The following ARHGEF38 variants were observed in gnomAD, a reference collection of about 807,000 sequenced individuals.
ARHGEF38 encodes Rho guanine nucleotide exchange factor 38, also known as Rho guanine nucleotide exchange factor (GEF) 38.
Under a neutral mutation model 79.9 loss-of-function variants are expected in ARHGEF38, and 79 were observed. That is an observed-to-expected ratio of 0.99 (90% CI 0.82 to 1.19). The LOEUF is 1.19. Ranked by LOEUF, ARHGEF38 falls within the 50% of genes most tolerant of loss-of-function variation. The pLI is 0.00. For synonymous variants in ARHGEF38, 366 were observed against 328.3 expected (o/e 1.11, Z -1.24); for missense variants, 962 against 907.2 (o/e 1.06, Z -0.78).
At chr4:105,555,409 C>T (rs1725206218) in intron 1 of ARHGEF38, among the ~76,000 whole-genome samples, 1 of 152,166 alleles carries the variant, frequency 6.6e-6, no homozygotes, top group African/African-American at 2.4e-5. Flanking sequence ...GGCATTTTCT[C>T]ATTAATGTTC....
rs551333466 is a variant in ARHGEF38 at position 105,678,989 on chromosome 4, C to A, written c.*1052C>A. The A allele has an allele frequency of 2.7e-4, 75 of 276,464 alleles. No individual in the cohort carries two copies. The South Asian group carries it at 5.4e-3, about 20-fold the overall frequency. 17.1% of individuals were successfully genotyped at this position (276,464 alleles called of 1,614,324 possible). A position where few individuals can be genotyped will look rare whatever the true frequency, so the allele number is the denominator to read the frequency against. ...CAACAATGATGACCTAATTTTTGAT[C>A]CATAATGTAAGATTAGGTAGAAATA... On this transcript the variant is annotated 3_prime_UTR_variant, in exon 14 of 14. Transcript: ENST00000420470.
At chr4:105,578,572 G>A (rs1726621938) in intron 1 of ARHGEF38, among the ~76,000 whole-genome samples, 1 of 152,046 alleles carries the variant, frequency 6.6e-6, no homozygotes, top group Non-Finnish European at 1.5e-5. Flanking sequence ...AGTAGTAATT[G>A]TTTTATGAAG....
chr4:105,560,687 T>C (rs1725475734), intron 1 of ARHGEF38, among the ~76,000 whole-genome samples: 2 of 152,232 alleles, frequency 1.3e-5, no homozygotes, highest in Non-Finnish European at 2.9e-5. Flanking sequence ...ATACCTGCAC[T>C]GAAGCCCTCG....
At chr4:105,652,314 A>G (rs1730136777) in intron 7 of ARHGEF38, among the ~76,000 whole-genome samples, 1 of 152,256 alleles carries the variant, frequency 6.6e-6, no homozygotes, top group Non-Finnish European at 1.5e-5. Flanking sequence ...GTCAGTGTTT[A>G]ACAAATGTTC....
chr4:105,558,464 A>G (rs1433870148), intron 1 of ARHGEF38, among the ~76,000 whole-genome samples: 1 of 152,174 alleles, frequency 6.6e-6, no homozygotes, highest in African/African-American at 2.4e-5. Context: ...GTGAAATGGG[A>G]AGTATTTGAA....
chr4:105,626,155 A>G (rs1467303482), intron 3 of ARHGEF38, among the ~76,000 whole-genome samples: 1 of 152,208 alleles, frequency 6.6e-6, no homozygotes, highest in East Asian at 1.9e-4. Flanking sequence ...TGAATATACA[A>G]TAAGCAACTC....
chr4:105,610,336 A>C (rs921699677), intron 2 of ARHGEF38, among the ~76,000 whole-genome samples: 1 of 152,092 alleles, frequency 6.6e-6, no homozygotes, highest in Non-Finnish European at 1.5e-5. Context: ...TCAGAAGAAA[A>C]TTTTAAAAAA....
At chr4:105,557,831 C>A (rs1396753074) in intron 1 of ARHGEF38, among the ~76,000 whole-genome samples, 1 of 151,998 alleles carries the variant, frequency 6.6e-6, no homozygotes, top group Non-Finnish European at 1.5e-5. Flanking sequence ...TTATAGCAGC[C>A]CAAACCAACC....
intron 2 of ARHGEF38, among the ~76,000 whole-genome samples, chr4:105,607,304 A>T (rs765037688): frequency 5.9e-5 from 9 of 152,100 alleles, no homozygotes; most frequent in Non-Finnish European, 1.0e-4. Flanking sequence ...TAGATTGGTA[A>T]TTTTTTCCCT....
At position 105,630,987 on chromosome 4, in the gene ARHGEF38, T is replaced by C; in HGVS notation, c.598T>C (p.Ser200Pro). ...TGATGAAGCACATAGTATACTGGAG[T>C]CCTATGAAAAGGAAGAAGAGCTGAA... Reference protein sequence around the residue: ...HHDEAHSILESYEKEEELKEH... With the variant: ...HHDEAHSILEPYEKEEELKEH... Residue 200 changes from serine to proline, a missense_variant, in exon 4 of 14, where the codon TCC becomes CCC. Physicochemically the swap from Ser to Pro is moderately conservative, Grantham distance 74 (BLOSUM62 -1). Coordinates refer to ENST00000420470, the MANE Select transcript of ARHGEF38 (RefSeq NM_001242729.2). 6.2e-7 allele frequency: 1 copy of C among 1,613,636 alleles called. No individual in the cohort carries two copies. The highest frequency in any genetic ancestry group is 1.1e-5 in the South Asian group (1 of 90,990).
intron 1 of ARHGEF38, among the ~76,000 whole-genome samples, chr4:105,587,260 A>G (rs978065828): frequency 8.5e-5 from 13 of 152,114 alleles, no homozygotes; most frequent in Non-Finnish European, 1.8e-4. Flanking sequence ...GTGAGCTGCA[A>G]TTGCACCACT....
At position 105,589,386 on chromosome 4, in the gene ARHGEF38, A is replaced by G. The variant is rs140625801; in HGVS notation, c.335A>G (p.Asp112Gly). Reference protein sequence around the residue: ...LIQTEKDYLNDLELCVREVVQ... With the variant: ...LIQTEKDYLNGLELCVREVVQ... Reference sequence around the variant, plus strand: ...CAGACAGAAAAGGATTATCTCAATGATCTAGAGCTGTGTGTTAGGGAAGTG... The same window carrying G: ...CAGACAGAAAAGGATTATCTCAATGGTCTAGAGCTGTGTGTTAGGGAAGTG... The change falls in exon 2 of 14, where the codon GAT becomes GGT. Residue 112 changes from aspartate (D) to glycine (G), a missense_variant. By Grantham distance (94) the Asp-to-Gly change is moderately conservative. Coordinates refer to ENST00000420470, the MANE Select transcript of ARHGEF38 (RefSeq NM_001242729.2). 306 of 1,614,030 alleles carry G rather than the reference A, an allele frequency of 1.9e-4. No homozygotes were observed. In the African/African-American group the frequency reaches 3.5e-3, roughly 19 times the overall value.
intron 1 of ARHGEF38, among the ~76,000 whole-genome samples, chr4:105,556,038 T>C (rs114414958): frequency 2.0e-3 from 309 of 152,198 alleles, no homozygotes; most frequent in African/African-American, 7.1e-3. Context: ...AAGCCTGGAG[T>C]TGTATAATAA....
chr4:105,637,150 T>C (rs1465840009), intron 5 of ARHGEF38, among the ~76,000 whole-genome samples: 1 of 152,162 alleles, frequency 6.6e-6, no homozygotes, highest in Admixed American at 6.6e-5. Flanking sequence ...CTTGTGTGTG[T>C]GTATGTACTT....
At chr4:105,642,570 T>C (rs1729665022) in intron 5 of ARHGEF38, among the ~76,000 whole-genome samples, 2 of 152,098 alleles carry the variant, frequency 1.3e-5, no homozygotes, top group Admixed American at 1.3e-4. Flanking sequence ...TTAAAGTTCT[T>C]AACATTTTAC....
intron 10 of ARHGEF38, among the ~76,000 whole-genome samples, chr4:105,664,765 T>C (rs1730688992): frequency 6.6e-6 from 1 of 152,104 alleles, no homozygotes; most frequent in African/African-American, 2.4e-5. Context: ...AACATCTAGG[T>C]TCAAAGAAAT....
intron 5 of ARHGEF38, among the ~76,000 whole-genome samples, chr4:105,637,324 C>A (rs1331831262): frequency 2.0e-5 from 3 of 152,038 alleles, no homozygotes; most frequent in Non-Finnish European, 2.9e-5. Context: ...GATCTGTAGA[C>A]CAGGGCTGTA....
intron 1 of ARHGEF38, among the ~76,000 whole-genome samples, chr4:105,560,489 T>TG (rs1725463086): frequency 6.6e-6 from 1 of 152,182 alleles, no homozygotes; most frequent in South Asian, 2.1e-4. Context: ...GAATTATGTG[T>TG]GGGAAACAAG....
intron 13 of ARHGEF38, among the ~76,000 whole-genome samples, chr4:105,672,069 TTAGA>T (rs951140293): frequency 2.6e-5 from 4 of 152,216 alleles, no homozygotes; most frequent in African/African-American, 9.6e-5. Context: ...AATTTCAAAC[TTAGA>T]TTCTAGTGGC....
Sources: gnomAD v4.1 joint callset for allele counts (sites outside exome capture counted in the v4.1 genomes callset) on GRCh38, gnomAD v4.1.1 for gene constraint, MANE v1.5 for transcripts, NCBI Gene and HGNC (gene_info 2026-07-23, HGNC 2026-07-21) for gene names.